Variants in BFAR observed in about 807,000 individuals in gnomAD.
The protein encoded by BFAR is RING finger protein 47.
A neutral mutation model predicts 54.4 loss-of-function variants in BFAR; 52 were observed. The ratio of observed to expected loss-of-function variants is 0.96; its 90% CI spans 0.77 to 1.21. The LOEUF (loss-of-function observed/expected upper bound fraction) is 1.21. BFAR is among the 50% of genes most tolerant of loss of function. The pLI is 0.00. For synonymous variants in BFAR, 215 were observed against 204.3 expected (o/e 1.05, Z -0.45); for missense variants, 571 against 534.0 (o/e 1.07, Z -0.68).
chr16:14,638,494 T>A (rs541129620), intron 1 of BFAR, among the ~76,000 whole-genome samples: 1 of 152,214 alleles, frequency 6.6e-6, no homozygotes, highest in Non-Finnish European at 1.5e-5. Context: ...TCATAATAAA[T>A]GTATGTTGAG....
chr16:14,667,634 G>C lies in BFAR; in HGVS notation c.1161-1G>C, dbSNP rs771145664. On this transcript the variant is annotated splice_acceptor_variant, in intron 7 of 7. Coordinates refer to ENST00000261658, the MANE Select transcript of BFAR (RefSeq NM_016561.3). LOFTEE classifies it high-confidence loss of function. ...TTCAGCCTCTTCTCTTCTTGTTTCA[G>C]GACCGTGCCTCAGAGGATGTGGAGC... 1 of 1,613,316 alleles carries C rather than the reference G, an allele frequency of 6.2e-7. No homozygotes were observed.
chr16:14,636,177 G>A (rs1042201250), intron 1 of BFAR, among the ~76,000 whole-genome samples: 1 of 152,206 alleles, frequency 6.6e-6, no homozygotes, highest in African/African-American at 2.4e-5. Flanking sequence ...CCACACCTGT[G>A]GGTGTTTCTC....
At chr16:14,652,621 T>C (rs1960005063) in intron 4 of BFAR, among the ~76,000 whole-genome samples, 1 of 152,194 alleles carries the variant, frequency 6.6e-6, no homozygotes, top group Non-Finnish European at 1.5e-5. Flanking sequence ...AACTATGTGA[T>C]ATTGAAAGTG....
chr16:14,641,223 A>G lies in BFAR; in HGVS notation c.-73-3051A>G, dbSNP rs1000576050. On this transcript the variant is annotated intron_variant, in intron 1 of 7. Coordinates refer to ENST00000261658, the MANE Select transcript of BFAR (RefSeq NM_016561.3). ...ATGGAGCACCAGGGGTAGGAATAGA[A>G]TGATTCTCCTCCCCGCAATCCTGCC... is the stretch of plus-strand genomic sequence containing the variant. 4.6e-5 allele frequency among the ~76,000 whole-genome samples: 7 copies of G among 152,292 alleles called. No individual in the cohort carries two copies. The East Asian group carries it at 1.2e-3, about 25-fold the overall frequency.
intron 5 of BFAR, among the ~76,000 whole-genome samples, chr16:14,661,492 C>A (rs898642109): frequency 1.0e-4 from 15 of 147,718 alleles, no homozygotes; most frequent in Admixed American, 8.9e-4. Flanking sequence ...ACCTCCACCT[C>A]CCAGGTTCAA....
intron 1 of BFAR, among the ~76,000 whole-genome samples, chr16:14,639,520 C>T (rs1315098218): frequency 6.6e-6 from 1 of 152,096 alleles, no homozygotes; most frequent in Non-Finnish European, 1.5e-5. Flanking sequence ...GTTGACCAGG[C>T]TTGTCTCGAA....
At chr16:14,639,720 A>G (rs969181125) in intron 1 of BFAR, among the ~76,000 whole-genome samples, 2 of 152,212 alleles carry the variant, frequency 1.3e-5, no homozygotes, top group African/African-American at 4.8e-5. Context: ...ATACTTTGTC[A>G]GTTAGGCATG....
chr16:14,633,302 A>C (rs1959319423), intron 1 of BFAR: 1 of 152,404 alleles, frequency 6.6e-6, no homozygotes, highest in African/African-American at 2.4e-5. Flanking sequence ...GGTCAGGGTC[A>C]GAGCCACTCC....
Position 14,649,156 on chromosome 16 carries a change from A to G in BFAR, c.468+564A>G, listed in dbSNP as rs566694101. On this transcript the variant is annotated intron_variant, in intron 3 of 7. Coordinates refer to ENST00000261658, the MANE Select transcript of BFAR (RefSeq NM_016561.3). ...GGTGGCATGATCTCGGCTCACTGCC[A>G]CCTCCACCTCCCGAGTTCAAGTGAT... 1.1e-4 allele frequency among the ~76,000 whole-genome samples: 14 copies of G among 132,182 alleles called. No homozygotes were observed. The South Asian group carries it at 3.3e-3, about 31-fold the overall frequency. The allele number at this position is 132,182 out of a possible 152,430, so 86.7% of individuals were successfully genotyped here.
At chr16:14,655,486 CTT>C (rs1194596499) in intron 5 of BFAR, among the ~76,000 whole-genome samples, 1 of 139,796 alleles carries the variant, frequency 7.2e-6, no homozygotes, top group Non-Finnish European at 1.6e-5. Context: ...TTTTTTCTTT[CTT>C]TTTTTTTTTT....
intron 1 of BFAR, among the ~76,000 whole-genome samples, chr16:14,639,743 CAT>C (rs570235944): frequency 2.0e-4 from 30 of 152,268 alleles, no homozygotes; most frequent in African/African-American, 6.7e-4. Flanking sequence ...TTCAGGAAAA[CAT>C]AGAGAAGGTC....
At chr16:14,646,346 C>A (rs1170684614) in intron 2 of BFAR, among the ~76,000 whole-genome samples, 1 of 152,040 alleles carries the variant, frequency 6.6e-6, no homozygotes, top group Admixed American at 6.6e-5. Flanking sequence ...AGCCACCGTG[C>A]CTGGTGAATG....
In BFAR at chr16:14,654,383, G is replaced by A. The variant is rs776337942; in HGVS notation, c.639-683G>A. 9.9e-5 allele frequency among the ~76,000 whole-genome samples: 15 copies of A among 151,614 alleles called. No individual in the cohort carries two copies. In the Middle Eastern group the frequency reaches 0.01, roughly 103 times the overall value. On this transcript the variant is annotated intron_variant, in intron 4 of 7. Transcript: ENST00000261658. ...TAATATAAAAAAATAAATAAAAATAGAGTAATATGTGAGAGGTCAGAGCGT... is the reference window on the plus strand; with the variant it reads ...TAATATAAAAAAATAAATAAAAATAAAGTAATATGTGAGAGGTCAGAGCGT...
intron 1 of BFAR, among the ~76,000 whole-genome samples, chr16:14,636,600 C>T (rs371253679): frequency 2.6e-5 from 4 of 152,296 alleles, no homozygotes; most frequent in South Asian, 2.1e-4. Flanking sequence ...TGCCCAGGGA[C>T]GGGCAGGAGA....
At chr16:14,633,955 G>T (rs1959349921) in intron 1 of BFAR, among the ~76,000 whole-genome samples, 1 of 152,192 alleles carries the variant, frequency 6.6e-6, no homozygotes, top group Non-Finnish European at 1.5e-5. Context: ...GCCCGGCCGA[G>T]AATTGTCTTT....
At chr16:14,643,356 A>G (rs1362157601) in intron 1 of BFAR, among the ~76,000 whole-genome samples, 1 of 152,178 alleles carries the variant, frequency 6.6e-6, no homozygotes, top group East Asian at 1.9e-4. Context: ...GATCAGGGAA[A>G]TTTCATTTTC....
Position 14,668,835 on chromosome 16 carries a change from TAAA to T in BFAR, c.*1022_*1024del, listed in dbSNP as rs528596737. The stretch of plus-strand genomic sequence containing the variant: ...TGGGTGACAGAGGGAGACTCTGTCT[TAAA>T]AAAAAAAAAAAAATCATCTGTAAAA... On this transcript the variant is annotated 3_prime_UTR_variant, in exon 8 of 8. Coordinates refer to ENST00000261658, the MANE Select transcript of BFAR (RefSeq NM_016561.3). 43 of 158,160 alleles carry T rather than the reference TAAA, an allele frequency of 2.7e-4. No individual in the cohort carries two copies. The highest frequency in any genetic ancestry group is 1.0e-3 in the South Asian group (9 of 8,756). 9.8% of individuals were successfully genotyped at this position (158,160 alleles called of 1,614,324 possible).
At chr16:14,665,613 G>A (rs1960420689) in intron 7 of BFAR, among the ~76,000 whole-genome samples, 1 of 152,296 alleles carries the variant, frequency 6.6e-6, no homozygotes, top group Non-Finnish European at 1.5e-5. Context: ...CAGAAGGGAT[G>A]TGCAGAACAA....
intron 1 of BFAR, among the ~76,000 whole-genome samples, chr16:14,638,558 C>T (rs1023328098): frequency 2.0e-5 from 3 of 152,170 alleles, no homozygotes; most frequent in Admixed American, 6.5e-5. Flanking sequence ...TTAAAAATTA[C>T]GATTTCTTTA....
Sources: gnomAD v4.1 joint callset for allele counts (sites outside exome capture counted in the v4.1 genomes callset) on GRCh38, gnomAD v4.1.1 for gene constraint, MANE v1.5 for transcripts, NCBI Gene and HGNC (gene_info 2026-07-23, HGNC 2026-07-21) for gene names.